Variants in KDM4C observed in about 807,000 individuals in gnomAD.
KDM4C encodes the protein lysine demethylase 4C.
Under a neutral mutation model 129.3 loss-of-function variants are expected in KDM4C, and 81 were observed. That is an observed-to-expected ratio of 0.63 (90% confidence interval 0.52 to 0.75). KDM4C has a LOEUF of 0.75. Among genes scored for constraint, KDM4C ranks in the 30% least tolerant of loss-of-function variants. The pLI, the probability that KDM4C is intolerant of heterozygous loss-of-function variation, is 0.00. For synonymous variants in KDM4C, 573 were observed against 456.1 expected (o/e 1.26, Z -3.26); for missense variants, 1,457 against 1,304.0 (o/e 1.12, Z -1.81).
At chr9:7,124,400 C>G (rs1587757824) in intron 18 of KDM4C, among the ~76,000 whole-genome samples, 1 of 152,212 alleles carries the variant, frequency 6.6e-6, no homozygotes, top group Admixed American at 6.5e-5. Flanking sequence ...CCACATCACT[C>G]AGGGCCACTG....
At chr9:6,984,629 C>G (rs1817365148) in intron 10 of KDM4C, among the ~76,000 whole-genome samples, 1 of 151,696 alleles carries the variant, frequency 6.6e-6, no homozygotes, top group South Asian at 2.1e-4. Flanking sequence ...GTCAGCAGTG[C>G]CTATTTGGTT....
intron 8 of KDM4C, among the ~76,000 whole-genome samples, chr9:6,955,329 G>T (rs1036553364): frequency 1.3e-5 from 2 of 152,230 alleles, no homozygotes; most frequent in South Asian, 4.1e-4. Flanking sequence ...AGTTGTGTCA[G>T]TAGGTTTTGG....
intron 5 of KDM4C, among the ~76,000 whole-genome samples, chr9:6,851,774 C>G (rs1838888712): frequency 1.3e-5 from 2 of 152,138 alleles, no homozygotes; most frequent in East Asian, 3.9e-4. Flanking sequence ...TCCTAATGAT[C>G]ACTTCAGGAA....
At chr9:6,913,701 A>T (rs910894454) in intron 8 of KDM4C, among the ~76,000 whole-genome samples, 3 of 152,194 alleles carry the variant, frequency 2.0e-5, no homozygotes, top group Non-Finnish European at 4.4e-5. Context: ...GCACATGGGA[A>T]AAATTGGACA....
intron 8 of KDM4C, among the ~76,000 whole-genome samples, chr9:6,951,312 C>T (rs1229667580): frequency 6.6e-6 from 1 of 152,166 alleles, no homozygotes; most frequent in African/African-American, 2.4e-5. Flanking sequence ...ACACATCTCT[C>T]CCTGTCCTTA....
At chr9:7,170,202 A>G in intron 21 of KDM4C, 1 of 1,226,730 alleles carries the variant, frequency 8.2e-7, no homozygotes, top group Non-Finnish European at 1.0e-6. Context: ...AAACAAAGAT[A>G]CCATCAAGGC....
At chr9:6,957,140 A>G (rs1239795871) in intron 8 of KDM4C, among the ~76,000 whole-genome samples, 1 of 152,202 alleles carries the variant, frequency 6.6e-6, no homozygotes, top group Admixed American at 6.5e-5. Flanking sequence ...GTAGAAAATA[A>G]TGACTCTGGC....
chr9:6,835,300 A>C, intron 4 of KDM4C: 1 of 908,716 alleles, frequency 1.1e-6, no homozygotes, highest in Non-Finnish European at 1.9e-6. Flanking sequence ...CTCCATTATG[A>C]AGTGTGATGT....
At chr9:6,882,936 TG>T (rs1221526157) in intron 6 of KDM4C, among the ~76,000 whole-genome samples, 1 of 152,096 alleles carries the variant, frequency 6.6e-6, no homozygotes, top group Admixed American at 6.6e-5. Flanking sequence ...TAAAGGTCAA[TG>T]GGTGGGATGC....
chr9:6,834,839 A>T (rs1588591445), intron 4 of KDM4C: 1 of 1,381,494 alleles, frequency 7.2e-7, no homozygotes, highest in Non-Finnish European at 1.0e-6. Context: ...GACCTTCATC[A>T]CCCCAGCCAT....
At chr9:6,764,998 C>G (rs1820336154) in intron 1 of KDM4C, among the ~76,000 whole-genome samples, 1 of 152,142 alleles carries the variant, frequency 6.6e-6, no homozygotes, top group Non-Finnish European at 1.5e-5. Flanking sequence ...CACTTAACAC[C>G]TTGTAACTTC....
chr9:6,921,755 G>A (rs1821557759), intron 8 of KDM4C, among the ~76,000 whole-genome samples: 1 of 152,036 alleles, frequency 6.6e-6, no homozygotes, highest in Admixed American at 6.6e-5. Flanking sequence ...ACCATGGTGA[G>A]CAAATGCTAC....
chr9:6,917,916 C>T (rs1271317396), intron 8 of KDM4C, among the ~76,000 whole-genome samples: 1 of 152,194 alleles, frequency 6.6e-6, no homozygotes, highest in African/African-American at 2.4e-5. Flanking sequence ...CATCTCAATT[C>T]TTCATTCACT....
At chr9:7,037,359 C>G (rs1339233125) in intron 15 of KDM4C, among the ~76,000 whole-genome samples, 5 of 152,152 alleles carry the variant, frequency 3.3e-5, no homozygotes, top group African/African-American at 1.2e-4. Context: ...ATTTCTTTAA[C>G]TGATGTTTTA....
chr9:6,839,028 G>C (rs34608321), intron 4 of KDM4C, among the ~76,000 whole-genome samples: 8,542 of 152,202 alleles, frequency 0.056, 295 homozygotes, highest in Middle Eastern at 0.1. Context: ...TTCTCCATGC[G>C]TGTTACCTTT....
chr9:6,722,201 G>C (rs1816978229), intron 1 of KDM4C, among the ~76,000 whole-genome samples: 1 of 152,154 alleles, frequency 6.6e-6, no homozygotes, highest in African/African-American at 2.4e-5. Context: ...ATGTGGGCCA[G>C]GTTAAGGGCT....
intron 20 of KDM4C, among the ~76,000 whole-genome samples, chr9:7,167,633 A>G (rs1400698467): frequency 6.6e-6 from 1 of 152,238 alleles, no homozygotes; most frequent in Non-Finnish European, 1.5e-5. Context: ...TGTATTGTTT[A>G]GCTTATTCAA....
chr9:6,820,018 T>A (rs554498325), intron 4 of KDM4C, among the ~76,000 whole-genome samples: 61 of 152,126 alleles, frequency 4.0e-4, no homozygotes, highest in South Asian at 6.2e-4. Context: ...TCGTAGCCGT[T>A]TTTTGGTGGG....
At chr9:7,083,521 C>T (rs963617248) in intron 17 of KDM4C, among the ~76,000 whole-genome samples, 1 of 152,104 alleles carries the variant, frequency 6.6e-6, no homozygotes, top group Admixed American at 6.5e-5. Context: ...GCCTATTGCT[C>T]CTAGCCTTCA....
Sources: gnomAD v4.1 joint callset for allele counts (sites outside exome capture counted in the v4.1 genomes callset) on GRCh38, gnomAD v4.1.1 for gene constraint, MANE v1.5 for transcripts, NCBI Gene and HGNC (gene_info 2026-07-23, HGNC 2026-07-21) for gene names.